Variants in TCF4 observed in about 807,000 individuals in gnomAD.
The protein encoded by TCF4 is SL3-3 enhancer factor 2.
Under a neutral mutation model 82.1 loss-of-function variants are expected in TCF4, and 3 were observed. The observed-to-expected ratio is 0.04, with a 90% CI of 0.02 to 0.09. The LOEUF is 0.09. Ranked by LOEUF, TCF4 falls within the 10% of genes least tolerant of loss-of-function variation. The probability of loss-of-function intolerance (pLI) is 1.00; values close to 1 mark genes in which losing one functional copy is unlikely to be tolerated. For synonymous variants in TCF4, 276 were observed against 309.6 expected (o/e 0.89, Z 1.14); for missense variants, 518 against 852.7 (o/e 0.61, Z 4.89).
At chr18:55,541,587 C>T (rs1416473016) in intron 3 of TCF4, among the ~76,000 whole-genome samples, 1 of 151,866 alleles carries the variant, frequency 6.6e-6, no homozygotes, top group Non-Finnish European at 1.5e-5. Context: ...GTACATTTTT[C>T]AGAGAATGCA....
chr18:55,582,198 C>G (rs1276497042), intron 3 of TCF4, among the ~76,000 whole-genome samples: 1 of 152,026 alleles, frequency 6.6e-6, no homozygotes, highest in Non-Finnish European at 1.5e-5. Flanking sequence ...AGATGATTTT[C>G]TTTTTTTGGT....
intron 2 of TCF4, among the ~76,000 whole-genome samples, chr18:55,621,686 T>A (rs796642500): frequency 0.39 from 5,738 of 14,860 alleles, 1,186 homozygotes; most frequent in Middle Eastern, 0.56. Flanking sequence ...CATTATATAT[T>A]ATATTATATA....
rs527450659 is a variant in TCF4, at chr18:55,434,763, CGT to C, written c.304+26254_304+26255del. On this transcript the variant is annotated intron_variant, in intron 5 of 19. Coordinates refer to ENST00000354452, the MANE Select transcript of TCF4 (RefSeq NM_001083962.2). ...ACATTCTGATCACCTCTCAAGTATT[CGT>C]GTGTGTGTGTGTGTGTGTGTGTGTG... Among the ~76,000 whole-genome samples the C allele has an allele frequency of 3.6e-3, 479 of 131,772 alleles. 2 individuals are homozygous for C. The highest frequency in any genetic ancestry group is 0.012 in the South Asian group (42 of 3,564). 86.4% of individuals were successfully genotyped at this position (131,772 alleles called of 152,430 possible).
chr18:55,419,141 T>C (rs1444290741), intron 5 of TCF4, among the ~76,000 whole-genome samples: 1 of 152,166 alleles, frequency 6.6e-6, no homozygotes, highest in East Asian at 1.9e-4. Flanking sequence ...TTGGAAAAAT[T>C]GGCCTACACT....
intron 5 of TCF4, among the ~76,000 whole-genome samples, chr18:55,416,245 G>GA (rs987681786): frequency 8.0e-5 from 12 of 149,680 alleles, no homozygotes; most frequent in Admixed American, 2.7e-4. Flanking sequence ...AGCACAAATT[G>GA]AAAAAAAAAT....
intron 1 of TCF4, among the ~76,000 whole-genome samples, chr18:55,634,011 G>C (rs1461870951): frequency 1.3e-5 from 2 of 152,212 alleles, no homozygotes; most frequent in Admixed American, 1.3e-4. Flanking sequence ...GCTCACACCT[G>C]TAATCCCAGA....
At chr18:55,280,991 T>C (rs2062485296) in intron 8 of TCF4, among the ~76,000 whole-genome samples, 1 of 152,018 alleles carries the variant, frequency 6.6e-6, no homozygotes, top group African/African-American at 2.4e-5. Context: ...TGGGAGGTCC[T>C]GGAGCTTTAA....
At chr18:55,568,143 C>A (rs2097426134) in intron 3 of TCF4, among the ~76,000 whole-genome samples, 1 of 146,262 alleles carries the variant, frequency 6.8e-6, no homozygotes, top group Admixed American at 6.8e-5. Context: ...TAAATTAGTG[C>A]ACTAAGTAGT....
At chr18:55,270,207 G>T (rs546130140) in intron 10 of TCF4, among the ~76,000 whole-genome samples, 1 of 152,102 alleles carries the variant, frequency 6.6e-6, no homozygotes, top group Non-Finnish European at 1.5e-5. Context: ...GGGACATTGA[G>T]AAATGATCAC....
chr18:55,558,136 CAGG>C (rs1880983657), intron 3 of TCF4, among the ~76,000 whole-genome samples: 1 of 152,042 alleles, frequency 6.6e-6, no homozygotes, highest in Non-Finnish European at 1.5e-5. Context: ...CACTTGAGCC[CAGG>C]AGTTCGAGGC....
At chr18:55,621,945 A>ATATATTATATATACACTATATAT (rs1467904156) in intron 2 of TCF4, among the ~76,000 whole-genome samples, 63 of 322 alleles carry the variant, frequency 0.2, 2 homozygotes, top group Non-Finnish European at 0.17. Context: ...TATATACACT[A>ATATATTATATATACACTATATAT]TATATATTAT....
chr18:55,446,624 A>G (rs908086146), intron 5 of TCF4, among the ~76,000 whole-genome samples: 4 of 152,174 alleles, frequency 2.6e-5, no homozygotes, highest in Non-Finnish European at 4.4e-5. Context: ...GAAGTTTATT[A>G]TAAGGAGCAA....
intron 5 of TCF4, chr18:55,452,608 G>A (rs1184112103): frequency 6.6e-6 from 1 of 152,604 alleles, no homozygotes; most frequent in Non-Finnish European, 1.5e-5. Flanking sequence ...AAGAGTGGTT[G>A]GTGGCTGGAG....
At chr18:55,595,068 CAAAACCCTTAAAA>C (rs1464006866) in intron 2 of TCF4, among the ~76,000 whole-genome samples, 1 of 152,174 alleles carries the variant, frequency 6.6e-6, no homozygotes, top group Non-Finnish European at 1.5e-5. Flanking sequence ...CAAAAAATGA[CAAAACCCTTAAAA>C]TAGAACACTC....
At chr18:55,613,703 C>T (rs1333191235) in intron 2 of TCF4, among the ~76,000 whole-genome samples, 1 of 152,154 alleles carries the variant, frequency 6.6e-6, no homozygotes, top group Non-Finnish European at 1.5e-5. Context: ...CACTTCTGAA[C>T]AGCTAGATCT....
chr18:55,244,380 A>G (rs1202016590), intron 15 of TCF4, among the ~76,000 whole-genome samples: 2 of 152,222 alleles, frequency 1.3e-5, no homozygotes, highest in Non-Finnish European at 2.9e-5. Context: ...AAACACCCAA[A>G]GGAGACTAGA....
At chr18:55,410,800 A>G (rs1160654849) in intron 5 of TCF4, among the ~76,000 whole-genome samples, 1 of 152,158 alleles carries the variant, frequency 6.6e-6, no homozygotes, top group Non-Finnish European at 1.5e-5. Flanking sequence ...TCATAAAGTC[A>G]AAGAGTTCTC....
chr18:55,376,330 A>G (rs2090736945), intron 6 of TCF4, among the ~76,000 whole-genome samples: 1 of 152,056 alleles, frequency 6.6e-6, no homozygotes, highest in African/African-American at 2.4e-5. Flanking sequence ...CCGGACAATA[A>G]TATTTCTTAG....
In TCF4 at chr18:55,279,620, T is replaced by G. The variant is rs2062127021; in HGVS notation, c.586A>C (p.Arg196=). The G allele has an allele frequency of 1.2e-6, 2 of 1,613,874 alleles. No individual in the cohort carries two copies. The highest frequency in any genetic ancestry group is 1.7e-5 in the Admixed American group (1 of 59,980). ...APSASTADYN[R]DSPGYPSSKP... is the part of the protein sequence containing the mutation. ...GAGGAAGGATAGCCTGGCGAGTCCC[T>G]ATTGTAGTCGGCAGTGCTTGCTGAT... is the stretch of plus-strand genomic sequence containing the variant. The change falls in exon 9 of 20, where the codon AGG becomes CGG. Residue 196 remains arginine (R), a synonymous_variant. Coordinates refer to ENST00000354452, the MANE Select transcript of TCF4 (RefSeq NM_001083962.2).
Sources: allele counts gnomAD v4.1 joint callset (sites outside exome capture counted in the v4.1 genomes callset), GRCh38; gene constraint gnomAD v4.1.1; transcripts MANE v1.5; gene names NCBI Gene and HGNC (gene_info 2026-07-23, HGNC 2026-07-21).